ROBO1: variants seen among roughly 807,000 people sequenced by gnomAD.
ROBO1 encodes the protein roundabout homolog 1.
ROBO1 carries 149 observed loss-of-function variants against 195.9 expected under a neutral mutation model. The observed-to-expected ratio is 0.76, with a 90% CI of 0.67 to 0.87. The LOEUF is 0.87. Ranked by LOEUF, ROBO1 falls within the 40% of genes least tolerant of loss-of-function variation. The pLI, the probability that ROBO1 is intolerant of heterozygous loss-of-function variation, is 0.00. For synonymous variants in ROBO1, 816 were observed against 733.2 expected, an observed-to-expected ratio of 1.11 and a Z score of -1.82; for missense variants, 1,933 against 2,068.3, an observed-to-expected ratio of 0.93 and a Z score of 1.27.
chr3:78,998,414 C>A (rs1343599154), intron 3 of ROBO1, among the ~76,000 whole-genome samples: 4 of 152,110 alleles, frequency 2.6e-5, no homozygotes, highest in Non-Finnish European at 1.5e-5. Flanking sequence ...TACACTTATA[C>A]TCAGATTTCT....
At chr3:79,472,651 T>C (rs924778612) in intron 2 of ROBO1, among the ~76,000 whole-genome samples, 6 of 152,104 alleles carry the variant, frequency 3.9e-5, no homozygotes, top group Non-Finnish European at 7.4e-5. Flanking sequence ...AACTAATTTT[T>C]TGGGGACATT....
intron 1 of ROBO1, among the ~76,000 whole-genome samples, chr3:79,728,462 G>T (rs1396256594): frequency 1.3e-5 from 2 of 152,004 alleles, no homozygotes; most frequent in Admixed American, 6.6e-5. Flanking sequence ...TTGTTATACC[G>T]TTTCTGACCT....
At chr3:79,537,784 T>C (rs1941927474) in intron 2 of ROBO1, among the ~76,000 whole-genome samples, 1 of 151,864 alleles carries the variant, frequency 6.6e-6, no homozygotes, top group African/African-American at 2.4e-5. Context: ...AGCTAATGCA[T>C]GTGGGGCTTA....
intron 4 of ROBO1, among the ~76,000 whole-genome samples, chr3:78,806,284 A>T (rs1443071273): frequency 6.6e-6 from 1 of 151,922 alleles, no homozygotes; most frequent in Non-Finnish European, 1.5e-5. Context: ...TGCTCTCTCT[A>T]ATTTTGAAAT....
intron 4 of ROBO1, among the ~76,000 whole-genome samples, chr3:78,768,944 A>T (rs895727145): frequency 6.6e-6 from 1 of 151,890 alleles, no homozygotes; most frequent in Non-Finnish European, 1.5e-5. Context: ...TTTACTGAGA[A>T]TGATGATTTC....
Position 79,086,320 on chromosome 3 carries a change from A to G in ROBO1, c.172+39136T>C, listed in dbSNP as rs559327346. On this transcript the variant is annotated intron_variant, in intron 3 of 30. Transcript: ENST00000464233. ...TAAAAATCTCTTTCATGTAAAAAAA[A>G]AAGAAATGTTAAATATTTAAAAGCT... Among the ~76,000 whole-genome samples, 5 of 152,304 alleles carry G rather than the reference A, an allele frequency of 3.3e-5. 1 individual carries two copies. The South Asian group carries it at 1.0e-3, about 32-fold the overall frequency.
intron 4 of ROBO1, among the ~76,000 whole-genome samples, chr3:78,879,505 T>G (rs961267359): frequency 6.6e-6 from 1 of 150,588 alleles, no homozygotes; most frequent in Non-Finnish European, 1.5e-5. Flanking sequence ...ATGAACATCA[T>G]TACCACATGC....
At chr3:78,648,731 G>A (rs1240369223) in intron 19 of ROBO1, among the ~76,000 whole-genome samples, 1 of 149,582 alleles carries the variant, frequency 6.7e-6, no homozygotes, top group East Asian at 2.0e-4. Flanking sequence ...TAAGATTAAA[G>A]TTTCTTTAAA....
chr3:78,867,308 A>G (rs553452087), intron 4 of ROBO1, among the ~76,000 whole-genome samples: 1 of 152,154 alleles, frequency 6.6e-6, no homozygotes, highest in African/African-American at 2.4e-5. Context: ...ACTTATGATT[A>G]TATCTCCTTT....
At chr3:79,171,168 TA>T (rs1203217085) in intron 2 of ROBO1, among the ~76,000 whole-genome samples, 1 of 149,860 alleles carries the variant, frequency 6.7e-6, no homozygotes, top group Non-Finnish European at 1.5e-5. Flanking sequence ...TATCTTATGT[TA>T]AAAACAAAGC....
At chr3:79,087,035 ATGT>A (rs917023037) in intron 3 of ROBO1, among the ~76,000 whole-genome samples, 1 of 152,030 alleles carries the variant, frequency 6.6e-6, no homozygotes, top group African/African-American at 2.4e-5. Context: ...GCTGCTAGTG[ATGT>A]TATTAAAAAT....
At chr3:79,235,842 C>A (rs2082397556) in intron 2 of ROBO1, among the ~76,000 whole-genome samples, 1 of 151,904 alleles carries the variant, frequency 6.6e-6, no homozygotes, top group Non-Finnish European at 1.5e-5. Flanking sequence ...AGATTTTTTG[C>A]AGTTATCTCT....
chr3:79,362,250 T>C (rs1191387364), intron 2 of ROBO1, among the ~76,000 whole-genome samples: 1 of 152,080 alleles, frequency 6.6e-6, no homozygotes, highest in Admixed American at 6.6e-5. Flanking sequence ...CGACAACCAG[T>C]TTTTTAAAAA....
At chr3:78,767,218 G>A (rs2083251601) in intron 4 of ROBO1, among the ~76,000 whole-genome samples, 1 of 151,548 alleles carries the variant, frequency 6.6e-6, no homozygotes, top group South Asian at 2.1e-4. Context: ...TAAATGTCTG[G>A]TAGAATTCTG....
At chr3:78,626,342 A>G (rs1306766861) in intron 26 of ROBO1, among the ~76,000 whole-genome samples, 1 of 152,190 alleles carries the variant, frequency 6.6e-6, no homozygotes, top group Non-Finnish European at 1.5e-5. Flanking sequence ...GCCAGATAGA[A>G]GAAAGCTTAA....
intron 4 of ROBO1, among the ~76,000 whole-genome samples, chr3:78,769,460 G>A (rs537552951): frequency 1.3e-5 from 2 of 152,152 alleles, no homozygotes; most frequent in South Asian, 2.1e-4. Flanking sequence ...TTTGTGTTAG[G>A]TGAGTCTCCT....
At chr3:78,748,986 C>T (rs1016603998) in intron 4 of ROBO1, among the ~76,000 whole-genome samples, 5 of 152,016 alleles carry the variant, frequency 3.3e-5, no homozygotes, top group African/African-American at 1.2e-4. Context: ...GCTACTGTTA[C>T]CACATAATAA....
rs1003781349 is a variant in ROBO1 at position 78,994,992 on chromosome 3, C to T, written c.173-56065G>A. Among the ~76,000 whole-genome samples the T allele has an allele frequency of 4.6e-5, 7 of 152,134 alleles. No homozygotes were observed. The East Asian group carries it at 9.7e-4, about 21-fold the overall frequency. On this transcript the variant is annotated intron_variant, in intron 3 of 30. Transcript: ENST00000464233. ...GCCTACCAGGACAGTTTTCATATGG[C>T]ACTTGCTTAGAGAACCAGATGGAAA...
chr3:78,773,105 T>C (rs981923366), intron 4 of ROBO1, among the ~76,000 whole-genome samples: 1 of 152,134 alleles, frequency 6.6e-6, no homozygotes, highest in Non-Finnish European at 1.5e-5. Flanking sequence ...AAATTATTAT[T>C]GTATGCTGTG....
Sources: allele counts gnomAD v4.1 joint callset (sites outside exome capture counted in the v4.1 genomes callset), GRCh38; gene constraint gnomAD v4.1.1; transcripts MANE v1.5; gene names NCBI Gene and HGNC (gene_info 2026-07-23, HGNC 2026-07-21).